The following MED13L variants were observed in gnomAD, a reference collection of about 807,000 sequenced individuals.
MED13L encodes mediator of RNA polymerase II transcription subunit 13-like.
In MED13L, 7 loss-of-function variants were observed where a neutral mutation model predicts 220.9. That is an observed-to-expected ratio of 0.03 (90% confidence interval 0.02 to 0.06). The LOEUF (loss-of-function observed/expected upper bound fraction) is 0.06. Ranked by LOEUF, MED13L falls within the 10% of genes least tolerant of loss-of-function variation. The probability of loss-of-function intolerance (pLI) is 1.00; values close to 1 mark genes in which losing one functional copy is unlikely to be tolerated. For missense variants in MED13L, 1,965 were observed against 2,760.5 expected, an observed-to-expected ratio of 0.71 and a Z score of 6.46; for synonymous variants, 1,011 against 1,015.2, an observed-to-expected ratio of 1.00 and a Z score of 0.08.
intron 2 of MED13L, among the ~76,000 whole-genome samples, chr12:116,199,520 A>C (rs1237554074): frequency 6.6e-6 from 1 of 152,168 alleles, no homozygotes; most frequent in African/African-American, 2.4e-5. Context: ...CTGACTTTTA[A>C]ACATTTTCTA....
intron 5 of MED13L, among the ~76,000 whole-genome samples, chr12:116,020,815 G>A (rs1048277995): frequency 6.6e-6 from 1 of 152,078 alleles, no homozygotes; most frequent in Non-Finnish European, 1.5e-5. Flanking sequence ...GAAGATAAAG[G>A]CCACTTTTTC....
rs10850600 is a variant in MED13L, at chr12:116,236,819, A to G, written c.310+649T>C. ...AGCAGCACAGAAAAATGAAACTCTT[A>G]CATTAATTCAGTTTCCAGATATCAG... On this transcript the variant is annotated intron_variant, in intron 2 of 30. Transcript: ENST00000281928. The G allele has an allele frequency of 0.037, 36,280 of 978,186 alleles. 1,955 individuals carry two copies. In the East Asian group the frequency reaches 0.38, roughly 10 times the overall value. 60.6% of individuals were successfully genotyped at this position (978,186 alleles called of 1,614,324 possible). A position where few individuals can be genotyped will look rare whatever the true frequency, so the allele number is the denominator to read the frequency against.
intron 4 of MED13L, among the ~76,000 whole-genome samples, chr12:116,037,033 T>C (rs1881233382): frequency 6.6e-6 from 1 of 152,166 alleles, no homozygotes; most frequent in Admixed American, 6.5e-5. Flanking sequence ...TAATTGCACA[T>C]AATTTTCTAA....
rs548973628 is a variant in MED13L, at chr12:116,121,121, G to C, written c.311-9609C>G. ...GCTATAATCAGAATGTGTTTACGTTGCTGTTATTCAACCTTTTTTAATACA... is the reference window on the plus strand; with the variant it reads ...GCTATAATCAGAATGTGTTTACGTTCCTGTTATTCAACCTTTTTTAATACA... On this transcript the variant is annotated intron_variant, in intron 2 of 30. Coordinates refer to ENST00000281928, the MANE Select transcript of MED13L (RefSeq NM_015335.5). 3.3e-5 allele frequency among the ~76,000 whole-genome samples: 5 copies of C among 152,130 alleles called. No homozygotes were observed. In the East Asian group the frequency reaches 9.6e-4, roughly 29 times the overall value.
chr12:116,092,549 T>C (rs1317793648), intron 4 of MED13L, among the ~76,000 whole-genome samples: 1 of 152,200 alleles, frequency 6.6e-6, no homozygotes, highest in African/African-American at 2.4e-5. Flanking sequence ...CTAAATATGG[T>C]TCTCCTACAT....
intron 3 of MED13L, among the ~76,000 whole-genome samples, chr12:116,098,919 A>G (rs912908079): frequency 1.3e-5 from 2 of 152,166 alleles, no homozygotes; most frequent in Non-Finnish European, 2.9e-5. Flanking sequence ...TAACAGACTT[A>G]ATTATATTTT....
intron 4 of MED13L, among the ~76,000 whole-genome samples, chr12:116,079,641 C>T (rs1326004748): frequency 1.3e-5 from 2 of 152,042 alleles, no homozygotes; most frequent in Non-Finnish European, 2.9e-5. Context: ...TGGGCTCAAG[C>T]GATCCTCCTG....
intron 10 of MED13L, 41 bp from the exon 11 acceptor site, chr12:116,007,677 C>G (rs771459227): frequency 1.5e-5 from 23 of 1,499,636 alleles, no homozygotes; most frequent in Middle Eastern, 1.9e-4. Context: ...AGCATTTATG[C>G]CTTAAAGCAT....
chr12:116,102,666 C>T (rs1399077339), intron 3 of MED13L, among the ~76,000 whole-genome samples: 1 of 148,070 alleles, frequency 6.8e-6, no homozygotes, highest in East Asian at 2.0e-4. Context: ...CTGAAGAAAC[C>T]TTTCCCGAGT....
chr12:116,207,323 G>A (rs1224632802), intron 2 of MED13L, among the ~76,000 whole-genome samples: 4 of 151,940 alleles, frequency 2.6e-5, no homozygotes, highest in African/African-American at 9.7e-5. Flanking sequence ...AGGTATGTTC[G>A]GAAACACAAA....
chr12:116,088,023 G>C (rs1169170879), intron 4 of MED13L, among the ~76,000 whole-genome samples: 4 of 152,024 alleles, frequency 2.6e-5, no homozygotes, highest in Admixed American at 2.6e-4. Flanking sequence ...TTATGAAGAA[G>C]ATATTAAAAT....
chr12:115,989,363 C>G (rs777996006), intron 17 of MED13L, among the ~76,000 whole-genome samples: 32 of 152,102 alleles, frequency 2.1e-4, no homozygotes, highest in Non-Finnish European at 4.4e-4. Context: ...CTGGCTACCC[C>G]TGGCTTCCAA....
intron 4 of MED13L, among the ~76,000 whole-genome samples, chr12:116,083,926 T>C (rs1871411152): frequency 6.6e-6 from 1 of 152,164 alleles, no homozygotes; most frequent in African/African-American, 2.4e-5. Flanking sequence ...AGGATGCCAA[T>C]GTCTCAAATG....
chr12:116,007,275 A>G, intron 11 of MED13L, 136 bp downstream of exon 11: 1 of 797,476 alleles, frequency 1.3e-6, no homozygotes, highest in Non-Finnish European at 2.2e-6. Context: ...CAATAGTACC[A>G]AGAGCATGAA....
chr12:116,070,275 C>T (rs558115014), intron 4 of MED13L, among the ~76,000 whole-genome samples: 7 of 152,134 alleles, frequency 4.6e-5, no homozygotes, highest in Non-Finnish European at 7.3e-5. Context: ...TTTAGCAAGT[C>T]ACATAATCTC....
intron 3 of MED13L, among the ~76,000 whole-genome samples, chr12:116,101,204 C>T (rs569162667): frequency 2.0e-5 from 3 of 152,268 alleles, no homozygotes; most frequent in Admixed American, 1.3e-4. Context: ...GCACTTTCAC[C>T]ACTGAGTTGT....
chr12:116,206,808 A>G (rs1882361394), intron 2 of MED13L, among the ~76,000 whole-genome samples: 1 of 152,236 alleles, frequency 6.6e-6, no homozygotes, highest in Non-Finnish European at 1.5e-5. Context: ...ATAACAAAAC[A>G]TTAACTTCTT....
intron 4 of MED13L, among the ~76,000 whole-genome samples, chr12:116,081,064 A>T (rs913889673): frequency 3.3e-5 from 5 of 152,282 alleles, no homozygotes; most frequent in African/African-American, 1.2e-4. Context: ...TTTTACATTA[A>T]TTTGTATATT....
At chr12:116,048,197 G>A (rs948027421) in intron 4 of MED13L, among the ~76,000 whole-genome samples, 1 of 152,280 alleles carries the variant, frequency 6.6e-6, no homozygotes, top group East Asian at 1.9e-4. Context: ...CCTATCACTA[G>A]TCACAAAGGA....
Sources: allele counts gnomAD v4.1 joint callset (sites outside exome capture counted in the v4.1 genomes callset), GRCh38; gene constraint gnomAD v4.1.1; transcripts MANE v1.5; gene names NCBI Gene and HGNC (gene_info 2026-07-23, HGNC 2026-07-21).